COLEC12: variants seen among roughly 807,000 people sequenced by gnomAD.
The protein encoded by COLEC12 is collectin subfamily member 12, also known as collectin-12.
A neutral mutation model predicts 71.1 loss-of-function variants in COLEC12; 33 were observed. The observed-to-expected ratio is 0.46, with a 90% confidence interval of 0.35 to 0.62. The LOEUF (loss-of-function observed/expected upper bound fraction) is 0.62, where lower values mean the gene tolerates loss of function less well. COLEC12 is among the 20% of genes least tolerant of loss of function. The pLI, the probability that COLEC12 is intolerant of heterozygous loss-of-function variation, is 0.00. For missense variants in COLEC12, 765 were observed against 916.1 expected (o/e 0.84, Z 2.13); for synonymous variants, 350 against 353.0 (o/e 0.99, Z 0.10).
chr18:426,242 T>C (rs1417952783), intron 2 of COLEC12, among the ~76,000 whole-genome samples: 1 of 152,146 alleles, frequency 6.6e-6, no homozygotes, highest in Non-Finnish European at 1.5e-5. Flanking sequence ...TAATACACAC[T>C]GTGTAGGATG....
At chr18:393,766 C>G (rs755882443) in intron 2 of COLEC12, among the ~76,000 whole-genome samples, 1 of 152,198 alleles carries the variant, frequency 6.6e-6, no homozygotes, top group African/African-American at 2.4e-5. Context: ...CACGTCTGTG[C>G]CCTTTGCTAG....
intron 2 of COLEC12, among the ~76,000 whole-genome samples, chr18:466,660 A>G (rs958460718): frequency 6.6e-6 from 1 of 152,226 alleles, no homozygotes; most frequent in African/African-American, 2.4e-5. Flanking sequence ...TCCTTTCTCA[A>G]ATATATGTTG....
intron 6 of COLEC12, chr18:334,353 C>A (rs1258094778): frequency 6.5e-6 from 1 of 154,136 alleles, no homozygotes; most frequent in African/African-American, 2.4e-5. Flanking sequence ...GGGGACAAGA[C>A]GTGGTGGCTC....
intron 5 of COLEC12, among the ~76,000 whole-genome samples, chr18:338,833 T>C (rs1216952815): frequency 3.9e-5 from 6 of 152,256 alleles, no homozygotes; most frequent in Non-Finnish European, 7.3e-5. Flanking sequence ...CTAGTGTATG[T>C]GGAGTAACTG....
rs566611064 is a variant in COLEC12 at position 416,204 on chromosome 18, A to AC, written c.59-58683dup. 2.0e-5 allele frequency among the ~76,000 whole-genome samples: 3 copies of AC among 152,118 alleles called. No individual in the cohort carries two copies. The South Asian group carries it at 6.2e-4, about 32-fold the overall frequency. On this transcript the variant is annotated intron_variant, in intron 2 of 9. Coordinates refer to ENST00000400256, the MANE Select transcript of COLEC12 (RefSeq NM_130386.3). ...AACCTGACATTTTACAAGTGTTGAC[A>AC]CCCCCCCAAAAAAATTCATTTTGGG...
rs371510168 is a variant in COLEC12 at position 475,434 on chromosome 18, A to G, written c.58+5273T>C. ...TGGAGCCCTCCTTGTTGTCGGAGAT[A>G]GATGGCTTCAAATCAACACCTTGTC... On this transcript the variant is annotated intron_variant, in intron 2 of 9. Transcript: ENST00000400256. 7.2e-5 allele frequency among the ~76,000 whole-genome samples: 11 copies of G among 152,272 alleles called. No homozygotes were observed. In the South Asian group the frequency reaches 2.3e-3, roughly 32 times the overall value.
intron 2 of COLEC12, among the ~76,000 whole-genome samples, chr18:369,401 T>TTTTTTTTTTTTTTA (rs1358372510): frequency 3.8e-5 from 5 of 132,400 alleles, no homozygotes; most frequent in Admixed American, 7.4e-5. Context: ...TTTTTTATTT[T>TTTTTTTTTTTTTTA]TTTTTATTTT....
At chr18:490,969 G>C (rs1917609281) in intron 1 of COLEC12, among the ~76,000 whole-genome samples, 1 of 152,198 alleles carries the variant, frequency 6.6e-6, no homozygotes, top group African/African-American at 2.4e-5. Flanking sequence ...TCCATTCCCA[G>C]CTCTTGTACA....
rs373090264 is a variant in COLEC12, at chr18:358,032, A to G, written c.59-510T>C. ...AACCCTATTGTGAACTGCACATGCGAGGGATCTAGGTTGCATGCTCCTTAT... is the reference window on the plus strand; with the variant it reads ...AACCCTATTGTGAACTGCACATGCGGGGGATCTAGGTTGCATGCTCCTTAT... On this transcript the variant is annotated intron_variant, in intron 2 of 9. Coordinates refer to ENST00000400256, the MANE Select transcript of COLEC12 (RefSeq NM_130386.3). Among the ~76,000 whole-genome samples, 11 of 152,346 alleles carry G rather than the reference A, an allele frequency of 7.2e-5. No individual in the cohort carries two copies. The East Asian group carries it at 2.1e-3, about 29-fold the overall frequency.
intron 1 of COLEC12, among the ~76,000 whole-genome samples, chr18:496,076 A>G (rs1917707127): frequency 6.6e-6 from 1 of 152,186 alleles, no homozygotes; most frequent in African/African-American, 2.4e-5. Flanking sequence ...TTAAATGTCC[A>G]TTTTCCCATT....
chr18:492,748 T>C (rs1917640777), intron 1 of COLEC12, among the ~76,000 whole-genome samples: 1 of 152,234 alleles, frequency 6.6e-6, no homozygotes, highest in African/African-American at 2.4e-5. Flanking sequence ...TCTTTTTGTT[T>C]TGAAATCCAT....
At chr18:404,134 T>C (rs563040464) in intron 2 of COLEC12, among the ~76,000 whole-genome samples, 1 of 152,338 alleles carries the variant, frequency 6.6e-6, no homozygotes, top group Non-Finnish European at 1.5e-5. Flanking sequence ...ATGAAAGCAT[T>C]GCTAGATGAA....
Position 480,802 on chromosome 18 carries a change from C to G in COLEC12, c.8-45G>C, listed in dbSNP as rs72856626. ...ACGATGTTAATCCTGGCAAGGGGCACAGAAGCAGAGGGTGGGGCAGGATGC... is the reference window on the plus strand; with the variant it reads ...ACGATGTTAATCCTGGCAAGGGGCAGAGAAGCAGAGGGTGGGGCAGGATGC... On this transcript the variant is annotated intron_variant, in intron 1 of 9. Transcript: ENST00000400256. The surrounding 1 kb of genome is among the most constrained non-coding windows in gnomAD (Gnocchi z 4.1). 2 of 1,560,586 alleles carry G rather than the reference C, an allele frequency of 1.3e-6. No homozygotes were observed. The highest frequency in any genetic ancestry group is 8.8e-7 in the Non-Finnish European group (1 of 1,131,172).
At chr18:385,420 G>A (rs1226523871) in intron 2 of COLEC12, among the ~76,000 whole-genome samples, 1 of 150,262 alleles carries the variant, frequency 6.7e-6, no homozygotes, top group Non-Finnish European at 1.5e-5. Flanking sequence ...CACCTCCCGG[G>A]CTCAAGCGAT....
chr18:388,176 T>A (rs959885496), intron 2 of COLEC12, among the ~76,000 whole-genome samples: 1 of 152,174 alleles, frequency 6.6e-6, no homozygotes, highest in Non-Finnish European at 1.5e-5. Context: ...TAATAAACCA[T>A]CTACATAATT....
chr18:362,516 C>G lies in COLEC12; in HGVS notation c.59-4994G>C, dbSNP rs541607137. Reference sequence around the variant, plus strand: ...ATTCAAGAGAGATATCCCCCTGTTACCAGCCTTTGTAGTGTTTGTTTTCTT... The same window carrying G: ...ATTCAAGAGAGATATCCCCCTGTTAGCAGCCTTTGTAGTGTTTGTTTTCTT... On this transcript the variant is annotated intron_variant, in intron 2 of 9. Coordinates refer to ENST00000400256, the MANE Select transcript of COLEC12 (RefSeq NM_130386.3). The surrounding 1 kb of genome is among the most constrained non-coding windows in gnomAD (Gnocchi z 4.6). Among the ~76,000 whole-genome samples, 16 of 152,056 alleles carry G rather than the reference C, an allele frequency of 1.1e-4. No homozygotes were observed. The highest frequency in any genetic ancestry group is 1.9e-4 in the Non-Finnish European group (13 of 68,024).
chr18:331,657 T>C lies in COLEC12; in HGVS notation c.2063+11A>G. 1 of 1,554,768 alleles carries C rather than the reference T, an allele frequency of 6.4e-7. No individual in the cohort carries two copies. Among genetic ancestry groups the C allele is most frequent in the Non-Finnish European group, 8.9e-7 (1 of 1,125,874 alleles). On this transcript the variant is annotated intron_variant, in intron 8 of 9. Coordinates refer to ENST00000400256, the MANE Select transcript of COLEC12 (RefSeq NM_130386.3). The stretch of plus-strand genomic sequence containing the variant: ...GCCTGACCACCAATCTGGAAGCTTC[T>C]GAGTACTTACTTGTAGTCTGGAGAT...
At chr18:338,218 CTCT>C (rs1567876790) in intron 5 of COLEC12, among the ~76,000 whole-genome samples, 1 of 152,342 alleles carries the variant, frequency 6.6e-6, no homozygotes, top group East Asian at 1.9e-4. Context: ...TGGAAGTTTT[CTCT>C]TCTTCTCTAA....
rs571387028 is a variant in COLEC12 at position 454,647 on chromosome 18, A to G, written c.58+26060T>C. On this transcript the variant is annotated intron_variant, in intron 2 of 9. Coordinates refer to ENST00000400256, the MANE Select transcript of COLEC12 (RefSeq NM_130386.3). ...CAGTGAGCCGAGATCACGTCATTGC[A>G]CTCCAGCCTGGGAGATAAAAGTGAG... Among the ~76,000 whole-genome samples the G allele has an allele frequency of 3.3e-5, 5 of 152,292 alleles. No individual in the cohort carries two copies. In the East Asian group the frequency reaches 9.6e-4, roughly 29 times the overall value.
Sources: gnomAD v4.1 joint callset for allele counts (sites outside exome capture counted in the v4.1 genomes callset) on GRCh38, gnomAD v4.1.1 for gene constraint, Gnocchi (gnomAD v3.1) non-coding constraint, MANE v1.5 for transcripts, NCBI Gene and HGNC (gene_info 2026-07-23, HGNC 2026-07-21) for gene names.